Variants in DCC observed in about 807,000 individuals in gnomAD.
DCC encodes the protein DCC netrin 1 receptor, also known as netrin receptor DCC.
Under a neutral mutation model 172.5 loss-of-function variants are expected in DCC, and 58 were observed. The observed-to-expected ratio is 0.34, with a 90% CI of 0.27 to 0.42. DCC has a LOEUF of 0.42. Among genes scored for constraint, DCC ranks in the 10% least tolerant of loss-of-function variants. DCC has a pLI of 1.00. For missense variants in DCC, 1,740 were observed against 1,791.0 expected (o/e 0.97, Z 0.51); for synonymous variants, 709 against 644.5 (o/e 1.10, Z -1.52).
At chr18:52,356,724 T>C (rs1005861149) in intron 1 of DCC, among the ~76,000 whole-genome samples, 3 of 151,928 alleles carry the variant, frequency 2.0e-5, no homozygotes, top group African/African-American at 4.8e-5. Flanking sequence ...GTTATGAGAG[T>C]AGGGGCCAGC....
chr18:52,845,881 A>T (rs141565652), intron 2 of DCC, among the ~76,000 whole-genome samples: 1 of 152,202 alleles, frequency 6.6e-6, no homozygotes, highest in East Asian at 1.9e-4. Flanking sequence ...TTTGTGTGTG[A>T]TCTGGGGGAA....
intron 5 of DCC, among the ~76,000 whole-genome samples, chr18:52,998,163 T>C (rs997693924): frequency 6.6e-6 from 1 of 152,116 alleles, no homozygotes; most frequent in Non-Finnish European, 1.5e-5. Context: ...AGTGGCCATA[T>C]GTGGCTAGTG....
At chr18:53,416,014 G>C (rs1483702931) in intron 20 of DCC, 110 bp from the exon 21 acceptor site, 1 of 761,682 alleles carries the variant, frequency 1.3e-6, no homozygotes, top group African/African-American at 1.7e-5. Context: ...TTTCAAGAGG[G>C]CACTAGCTTT....
intron 1 of DCC, among the ~76,000 whole-genome samples, chr18:52,484,039 A>G (rs1183927738): frequency 6.6e-6 from 1 of 152,060 alleles, no homozygotes; most frequent in Non-Finnish European, 1.5e-5. Flanking sequence ...TCTGGGAAAA[A>G]ATAATATTGA....
At chr18:52,739,867 T>C (rs1429545766) in intron 1 of DCC, among the ~76,000 whole-genome samples, 3 of 152,198 alleles carry the variant, frequency 2.0e-5, no homozygotes, top group East Asian at 1.9e-4. Context: ...CTTGGAATCA[T>C]CTGGGGCTCT....
At chr18:52,444,528 C>G (rs1020731663) in intron 1 of DCC, among the ~76,000 whole-genome samples, 3 of 152,096 alleles carry the variant, frequency 2.0e-5, no homozygotes, top group African/African-American at 7.2e-5. Context: ...CAAAAGCACA[C>G]AAGAATCTCT....
At chr18:52,487,040 A>G (rs193271998) in intron 1 of DCC, among the ~76,000 whole-genome samples, 1 of 152,292 alleles carries the variant, frequency 6.6e-6, no homozygotes, top group Admixed American at 6.5e-5. Context: ...CAGCCTTTAA[A>G]TAAAACTGAG....
chr18:52,925,211 T>C (rs758104474), intron 4 of DCC, 23 bp from the exon 5 acceptor site: 1 of 1,610,122 alleles, frequency 6.2e-7, no homozygotes, highest in South Asian at 1.1e-5. Flanking sequence ...TAATTTACTC[T>C]GCACCTTCCC....
intron 15 of DCC, among the ~76,000 whole-genome samples, chr18:53,383,972 C>T (rs1304271724): frequency 6.6e-6 from 1 of 152,034 alleles, no homozygotes; most frequent in Non-Finnish European, 1.5e-5. Context: ...TGTCATTAGT[C>T]TTTAATTTTG....
chr18:52,629,807 G>A (rs143449019), intron 1 of DCC, among the ~76,000 whole-genome samples: 311 of 152,118 alleles, frequency 2.0e-3, no homozygotes, highest in Non-Finnish European at 2.8e-3. Flanking sequence ...AAAATTAGCT[G>A]GGCGTGCTGG....
At chr18:53,207,015 CTT>C (rs1291894334) in intron 10 of DCC, among the ~76,000 whole-genome samples, 1 of 140,266 alleles carries the variant, frequency 7.1e-6, no homozygotes, top group African/African-American at 2.5e-5. Flanking sequence ...ATTTTTTGCT[CTT>C]GTTTTTTCAA....
chr18:52,652,711 A>AGTGTGTGTGTGTGT (rs71175513), intron 1 of DCC, among the ~76,000 whole-genome samples: 26,380 of 143,106 alleles, frequency 0.18, 2,963 homozygotes, highest in Non-Finnish European at 0.25. Flanking sequence ...ACTGCAATAA[A>AGTGTGTGTGTGTGT]GTGTGTGTGT....
chr18:53,517,677 C>T (rs1315084586), intron 27 of DCC, among the ~76,000 whole-genome samples: 3 of 151,990 alleles, frequency 2.0e-5, no homozygotes. Context: ...GGGAGCAGGG[C>T]ACCTCATCAG....
intron 2 of DCC, among the ~76,000 whole-genome samples, chr18:52,854,378 G>A (rs2039020185): frequency 6.6e-6 from 1 of 152,100 alleles, no homozygotes; most frequent in Admixed American, 6.6e-5. Context: ...AGACGAGATG[G>A]GGAAGATGGA....
intron 5 of DCC, among the ~76,000 whole-genome samples, chr18:52,953,025 A>AAAC (rs1471350133): frequency 1.3e-3 from 188 of 148,614 alleles, no homozygotes; most frequent in Non-Finnish European, 2.3e-3. Context: ...AAAAAAAAAA[A>AAAC]AAACTCATAA....
At chr18:52,461,002 G>A (rs779765857) in intron 1 of DCC, among the ~76,000 whole-genome samples, 11 of 152,072 alleles carry the variant, frequency 7.2e-5, no homozygotes, top group Admixed American at 3.3e-4. Context: ...TTAGCTTACT[G>A]TAATTCTTTT....
chr18:52,743,128 C>T (rs2036849060), intron 1 of DCC, among the ~76,000 whole-genome samples: 1 of 152,138 alleles, frequency 6.6e-6, no homozygotes, highest in Non-Finnish European at 1.5e-5. Context: ...ATCTCCAAAG[C>T]TTGTCTACTT....
At chr18:53,437,166 G>A (rs1911991940) in intron 22 of DCC, among the ~76,000 whole-genome samples, 1 of 152,126 alleles carries the variant, frequency 6.6e-6, no homozygotes. Flanking sequence ...TTGTCTCTTA[G>A]ACTCCTCATT....
At chr18:53,152,363 G>A (rs939210319) in intron 7 of DCC, among the ~76,000 whole-genome samples, 9 of 152,246 alleles carry the variant, frequency 5.9e-5, no homozygotes, top group East Asian at 1.9e-4. Flanking sequence ...GTATAATAAC[G>A]TGTGACAGAA....
Sources: allele counts gnomAD v4.1 joint callset (sites outside exome capture counted in the v4.1 genomes callset), GRCh38; gene constraint gnomAD v4.1.1; transcripts MANE v1.5; gene names NCBI Gene and HGNC (gene_info 2026-07-23, HGNC 2026-07-21).